FNDC3B: variants seen among roughly 807,000 people sequenced by gnomAD.
The protein encoded by FNDC3B is fibronectin type III domain containing 3B.
In FNDC3B, 12 loss-of-function variants were observed where a neutral mutation model predicts 151.5. The observed-to-expected ratio is 0.08, with a 90% CI of 0.05 to 0.13. FNDC3B has a LOEUF of 0.13. Among genes scored for constraint, FNDC3B ranks in the 10% least tolerant of loss-of-function variants. The probability of loss-of-function intolerance (pLI) is 1.00; values close to 1 mark genes in which losing one functional copy is unlikely to be tolerated. For missense variants in FNDC3B, 1,214 were observed against 1,505.3 expected (o/e 0.81, Z 3.20); for synonymous variants, 528 against 549.0 (o/e 0.96, Z 0.54).
At chr3:172,166,018 T>TTTTTTTTTTTTTTTTTTTTGAG (rs1559997014) in intron 3 of FNDC3B, among the ~76,000 whole-genome samples, 1 of 152,216 alleles carries the variant, frequency 6.6e-6, no homozygotes, top group African/African-American at 2.4e-5. Flanking sequence ...GCTAATCTTT[T>TTTTTTTTTTTTTTTTTTTTGAG]ATGCATGAAG....
chr3:172,378,495 T>TC (rs1301780928), intron 24 of FNDC3B, 59 bp downstream of exon 24: 92 of 1,414,244 alleles, frequency 6.5e-5, no homozygotes, highest in Non-Finnish European at 8.2e-5. Flanking sequence ...TGTTGGGACT[T>TC]ATAGAAAGAA....
At chr3:172,285,904 T>A (rs1729983851) in intron 6 of FNDC3B, 22 bp from the exon 7 acceptor site, 2 of 1,605,312 alleles carry the variant, frequency 1.2e-6, no homozygotes, top group Non-Finnish European at 1.7e-6. Flanking sequence ...TTGTTTTTCC[T>A]TTTTTCTTTT....
At chr3:172,265,501 G>A (rs1728882895) in intron 6 of FNDC3B, among the ~76,000 whole-genome samples, 1 of 152,166 alleles carries the variant, frequency 6.6e-6, no homozygotes, top group African/African-American at 2.4e-5. Flanking sequence ...AATAAAATGA[G>A]TGCCCAAGAT....
chr3:172,258,014 A>G (rs1289550116), intron 6 of FNDC3B, among the ~76,000 whole-genome samples: 2 of 152,194 alleles, frequency 1.3e-5, no homozygotes, highest in African/African-American at 4.8e-5. Flanking sequence ...TCCTTGTACT[A>G]TCTGTATCAT....
At chr3:172,209,820 C>T (rs1264413172) in intron 3 of FNDC3B, among the ~76,000 whole-genome samples, 1 of 152,252 alleles carries the variant, frequency 6.6e-6, no homozygotes, top group Non-Finnish European at 1.5e-5. Flanking sequence ...CCGAGGGGCA[C>T]CTGCAGGCCC....
chr3:172,103,348 C>T (rs1170448203), intron 1 of FNDC3B, among the ~76,000 whole-genome samples: 1 of 151,794 alleles, frequency 6.6e-6, no homozygotes, highest in Non-Finnish European at 1.5e-5. Context: ...TGGAAGCAAC[C>T]TCTTTATATT....
At chr3:172,091,485 A>T (rs994370297) in intron 1 of FNDC3B, among the ~76,000 whole-genome samples, 2 of 152,142 alleles carry the variant, frequency 1.3e-5, no homozygotes, top group African/African-American at 4.8e-5. Flanking sequence ...AGAAGTCAGA[A>T]TTTTAAAAAT....
chr3:172,277,173 G>C (rs1320932661), intron 6 of FNDC3B, among the ~76,000 whole-genome samples: 1 of 152,182 alleles, frequency 6.6e-6, no homozygotes, highest in Non-Finnish European at 1.5e-5. Flanking sequence ...TCAAATGTGA[G>C]CATGCAAATG....
intron 5 of FNDC3B, 24 bp from the exon 6 acceptor site, chr3:172,251,236 G>T: frequency 1.3e-6 from 2 of 1,568,328 alleles, no homozygotes; most frequent in South Asian, 1.1e-5. Flanking sequence ...CTGAGTTTGG[G>T]TTTATCATAA....
chr3:172,096,298 C>T (rs1274237037), intron 1 of FNDC3B, among the ~76,000 whole-genome samples: 2 of 152,144 alleles, frequency 1.3e-5, no homozygotes, highest in Non-Finnish European at 1.5e-5. Context: ...AACTTGCATA[C>T]CTATAAACGT....
At chr3:172,115,852 T>C (rs73041111) in intron 2 of FNDC3B, among the ~76,000 whole-genome samples, 2,036 of 152,344 alleles carry the variant, frequency 0.013, 45 homozygotes, top group African/African-American at 0.042. Flanking sequence ...CTTAATACTT[T>C]GCAGCTGTGC....
At chr3:172,374,791 G>T (rs1434299531) in intron 23 of FNDC3B, among the ~76,000 whole-genome samples, 1 of 152,208 alleles carries the variant, frequency 6.6e-6, no homozygotes, top group Admixed American at 6.5e-5. Context: ...GAGGCACGAA[G>T]AGGCTAAACT....
At chr3:172,144,858 T>C (rs1721819256) in intron 3 of FNDC3B, among the ~76,000 whole-genome samples, 1 of 152,142 alleles carries the variant, frequency 6.6e-6, no homozygotes, top group Non-Finnish European at 1.5e-5. Flanking sequence ...TACTACTTCT[T>C]TTTTGGATCC....
Position 172,395,953 on chromosome 3 carries a change from G to A in FNDC3B, c.3304-1211G>A, listed in dbSNP as rs79740921. ...AGGATGTGGTGCAACTCAGACTCTC[G>A]TGCGCAAAGGGATCCAATCTCTTGA... On this transcript the variant is annotated intron_variant, in intron 25 of 25. Coordinates refer to ENST00000415807, the MANE Select transcript of FNDC3B (RefSeq NM_022763.4). Among the ~76,000 whole-genome samples, 1,005 of 152,272 alleles carry A rather than the reference G, an allele frequency of 6.6e-3. 5 individuals are homozygous for A. Among genetic ancestry groups the A allele is most frequent in the Non-Finnish European group, 0.011 (756 of 68,026 alleles).
chr3:172,391,290 T>C (rs1735994563), intron 25 of FNDC3B, among the ~76,000 whole-genome samples: 4 of 152,218 alleles, frequency 2.6e-5, no homozygotes, highest in Admixed American at 2.0e-4. Flanking sequence ...ATTTTCCACA[T>C]CCATTTTCTT....
At chr3:172,324,327 T>C (rs1052417962) in intron 11 of FNDC3B, among the ~76,000 whole-genome samples, 27 of 152,100 alleles carry the variant, frequency 1.8e-4, no homozygotes, top group Admixed American at 1.3e-4. Flanking sequence ...AACACCCTCG[T>C]CCCTGGTTGG....
intron 3 of FNDC3B, among the ~76,000 whole-genome samples, chr3:172,220,866 A>G (rs774682726): frequency 2.0e-5 from 3 of 152,184 alleles, no homozygotes; most frequent in Non-Finnish European, 4.4e-5. Flanking sequence ...GCCGAGGAAT[A>G]TCACTTGAGC....
intron 13 of FNDC3B, among the ~76,000 whole-genome samples, chr3:172,331,949 G>A (rs1271003949): frequency 6.6e-6 from 1 of 152,094 alleles, no homozygotes; most frequent in African/African-American, 2.4e-5. Flanking sequence ...TATGCATGTT[G>A]GCCTATAGTA....
chr3:172,310,035 G>A lies in FNDC3B; in HGVS notation c.1201-793G>A, dbSNP rs115405276. Among the ~76,000 whole-genome samples the A allele has an allele frequency of 3.4e-3, 517 of 152,154 alleles. 2 individuals are homozygous for A. Among genetic ancestry groups the A allele is most frequent in the African/African-American group, 0.012 (487 of 41,508 alleles). On this transcript the variant is annotated intron_variant, in intron 10 of 25. Transcript: ENST00000415807. ...GTTTTTGAAGTGGGAGACACGATCC[G>A]ACTCCTCTTCCTGGTTGCTTCCCCC... is the stretch of plus-strand genomic sequence containing the variant.
Sources: gnomAD v4.1 joint callset for allele counts (sites outside exome capture counted in the v4.1 genomes callset) on GRCh38, gnomAD v4.1.1 for gene constraint, MANE v1.5 for transcripts, NCBI Gene and HGNC (gene_info 2026-07-23, HGNC 2026-07-21) for gene names.